CSDC2: variants seen among roughly 807,000 people sequenced by gnomAD.
CSDC2 encodes the protein cold shock domain containing C2.
A neutral mutation model predicts 15.8 loss-of-function variants in CSDC2; 8 were observed. That is an observed-to-expected ratio of 0.51 (90% CI 0.30 to 0.92). The LOEUF (loss-of-function observed/expected upper bound fraction) is 0.92, where lower values mean the gene tolerates loss of function less well. CSDC2 is among the 40% of genes least tolerant of loss of function. CSDC2 has a pLI of 0.07. For synonymous variants in CSDC2, 96 were observed against 92.3 expected, an observed-to-expected ratio of 1.04 and a Z score of -0.23; for missense variants, 195 against 213.3, an observed-to-expected ratio of 0.91 and a Z score of 0.53.
intron 1 of CSDC2, among the ~76,000 whole-genome samples, chr22:41,561,476 C>T (rs2067084701): frequency 6.6e-6 from 1 of 152,208 alleles, no homozygotes; most frequent in Non-Finnish European, 1.5e-5. Context: ...AGATACCTGC[C>T]AAGCCGCAGC....
intron 3 of CSDC2, among the ~76,000 whole-genome samples, chr22:41,574,021 G>A (rs972840637): frequency 3.3e-5 from 5 of 152,232 alleles, no homozygotes; most frequent in Admixed American, 6.5e-5. Flanking sequence ...TTACAGCATC[G>A]TGGAGGTCTG....
chr22:41,567,200 T>A (rs1437240872), intron 1 of CSDC2, among the ~76,000 whole-genome samples: 1 of 152,208 alleles, frequency 6.6e-6, no homozygotes, highest in East Asian at 1.9e-4. Context: ...GGGAAAGTTC[T>A]TTTGGAAAAA....
chr22:41,571,574 A>G (rs1049926586), intron 1 of CSDC2, among the ~76,000 whole-genome samples: 5 of 152,150 alleles, frequency 3.3e-5, no homozygotes, highest in Non-Finnish European at 7.4e-5. Flanking sequence ...ATGCCGAACC[A>G]TATTCTAGAC....
chr22:41,571,345 ACT>A (rs1363994324), intron 1 of CSDC2, among the ~76,000 whole-genome samples: 1 of 151,924 alleles, frequency 6.6e-6, no homozygotes, highest in Non-Finnish European at 1.5e-5. Flanking sequence ...CAAGAGTGAG[ACT>A]CTGTCTAAAA....
At chr22:41,567,881 C>T (rs1743779747) in intron 1 of CSDC2, among the ~76,000 whole-genome samples, 1 of 152,174 alleles carries the variant, frequency 6.6e-6, no homozygotes, top group Admixed American at 6.5e-5. Context: ...GACTGTGGAG[C>T]TTTGAGGGGT....
rs1423258293 is a variant in CSDC2 at position 41,576,158 on chromosome 22, CTG to C, written c.*1266_*1267del. On this transcript the variant is annotated 3_prime_UTR_variant, in exon 4 of 4. Transcript: ENST00000306149. ...GGGTGGGACCCTTATGAGACTCAGTCTGTGAGTAAAACTGGGGGCTCAAATGC... is the reference window on the plus strand; with the variant it reads ...GGGTGGGACCCTTATGAGACTCAGTCTGAGTAAAACTGGGGGCTCAAATGC... 3 of 152,458 alleles carry C rather than the reference CTG, an allele frequency of 2.0e-5. No individual in the cohort carries two copies. In the South Asian group the frequency reaches 6.2e-4, roughly 32 times the overall value. 9.4% of individuals were successfully genotyped at this position (152,458 alleles called of 1,614,324 possible).
intron 1 of CSDC2, among the ~76,000 whole-genome samples, chr22:41,561,836 G>A (rs1245144559): frequency 6.6e-6 from 1 of 152,192 alleles, no homozygotes; most frequent in Non-Finnish European, 1.5e-5. Flanking sequence ...CACAGCCCCC[G>A]GAGGGCAGGG....
intron 3 of CSDC2, among the ~76,000 whole-genome samples, chr22:41,574,368 C>A (rs764226313): frequency 2.0e-5 from 3 of 152,186 alleles, no homozygotes; most frequent in Non-Finnish European, 2.9e-5. Flanking sequence ...TGGGTTCAAG[C>A]GATTCTCCCA....
intron 1 of CSDC2, among the ~76,000 whole-genome samples, chr22:41,563,069 A>T (rs1231107673): frequency 6.6e-6 from 1 of 152,156 alleles, no homozygotes; most frequent in African/African-American, 2.4e-5. Flanking sequence ...CAAAGGCCTT[A>T]ACCACAGCAG....
At chr22:41,572,368 C>T in intron 2 of CSDC2, among the ~76,000 whole-genome samples, 2 of 71,240 alleles carry the variant, frequency 2.8e-5, no homozygotes, top group African/African-American at 1.2e-4. Flanking sequence ...ACCCACCCAC[C>T]CACCCACCCA....
In CSDC2 at chr22:41,574,970, G is replaced by A. The variant is rs1039272409; in HGVS notation, c.*75G>A. ...GTGAACGGGCAGCAGCCGGCTCCAT[G>A]CCCCACTGCCCTGGCTGATGAGTCC... On this transcript the variant is annotated 3_prime_UTR_variant, in exon 4 of 4. Coordinates refer to ENST00000306149, the MANE Select transcript of CSDC2 (RefSeq NM_014460.4). 24 of 1,485,388 alleles carry A rather than the reference G, an allele frequency of 1.6e-5. 1 individual carries two copies. In the South Asian group the frequency reaches 3.0e-4, roughly 19 times the overall value. 92.0% of individuals were successfully genotyped at this position (1,485,388 alleles called of 1,614,324 possible). A position where few individuals can be genotyped will look rare whatever the true frequency, so the allele number is the denominator to read the frequency against.
At chr22:41,561,546 C>T (rs2067085192) in intron 1 of CSDC2, among the ~76,000 whole-genome samples, 1 of 152,222 alleles carries the variant, frequency 6.6e-6, no homozygotes, top group Admixed American at 6.5e-5. Flanking sequence ...CCCAGTGCCG[C>T]TTCCAGTTGC....
rs370350215 is a variant in CSDC2 at position 41,562,221 on chromosome 22, C to T, written c.-124+1038C>T. 2.6e-5 allele frequency among the ~76,000 whole-genome samples: 4 copies of T among 152,120 alleles called. No homozygotes were observed. The South Asian group carries it at 6.2e-4, about 24-fold the overall frequency. ...GGCCTCTCCCTGGGAAAGGGGGTCT[C>T]CAGCTTTCTGGGGGATGGGGAACTG... On this transcript the variant is annotated intron_variant, in intron 1 of 3. Transcript: ENST00000306149.
At chr22:41,573,530 T>G in intron 2 of CSDC2, 125 bp from the exon 3 acceptor site, 1 of 1,163,692 alleles carries the variant, frequency 8.6e-7, no homozygotes, top group East Asian at 2.5e-5. Context: ...ACTGTGTGGT[T>G]TCTGGCCTGG....
chr22:41,569,873 G>A (rs564291436), intron 1 of CSDC2, among the ~76,000 whole-genome samples: 2 of 149,200 alleles, frequency 1.3e-5, no homozygotes, highest in Non-Finnish European at 3.0e-5. Flanking sequence ...TCTGCCTCCC[G>A]GGTTGAAGCA....
chr22:41,574,196 C>T (rs746118532), intron 3 of CSDC2, among the ~76,000 whole-genome samples: 8 of 152,214 alleles, frequency 5.3e-5, no homozygotes, highest in Non-Finnish European at 1.0e-4. Flanking sequence ...GGGACCTCCC[C>T]GTGCCCTTTC....
Position 41,574,977 on chromosome 22 carries a change from T to C in CSDC2, c.*82T>C. Reference sequence around the variant, plus strand: ...GGCAGCAGCCGGCTCCATGCCCCACTGCCCTGGCTGATGAGTCCTTCGGTG... The same window carrying C: ...GGCAGCAGCCGGCTCCATGCCCCACCGCCCTGGCTGATGAGTCCTTCGGTG... On this transcript the variant is annotated 3_prime_UTR_variant, in exon 4 of 4. Transcript: ENST00000306149. 1.4e-6 allele frequency: 2 copies of C among 1,467,456 alleles called. No individual in the cohort carries two copies. The highest frequency in any genetic ancestry group is 1.8e-6 in the Non-Finnish European group (2 of 1,091,272). 90.9% of individuals were successfully genotyped at this position (1,467,456 alleles called of 1,614,324 possible).
chr22:41,571,797 G>A (rs1037664426), intron 1 of CSDC2, 46 bp from the exon 2 acceptor site: 37 of 415,074 alleles, frequency 8.9e-5, no homozygotes, highest in Middle Eastern at 6.1e-4. Context: ...TTCAGGAGCT[G>A]CTCCCCTGGA....
At chr22:41,571,469 C>T (rs1396155366) in intron 1 of CSDC2, among the ~76,000 whole-genome samples, 1 of 152,166 alleles carries the variant, frequency 6.6e-6, no homozygotes, top group African/African-American at 2.4e-5. Context: ...CATGTTGGAG[C>T]TGATGTGTGG....
Sources: allele counts gnomAD v4.1 joint callset (sites outside exome capture counted in the v4.1 genomes callset), GRCh38; gene constraint gnomAD v4.1.1; transcripts MANE v1.5; gene names NCBI Gene and HGNC (gene_info 2026-07-23, HGNC 2026-07-21).